The following SLC37A3 variants were observed in gnomAD, a reference collection of about 807,000 sequenced individuals.
SLC37A3 encodes the protein sugar phosphate exchanger 3.
In SLC37A3, 51 loss-of-function variants were observed where a neutral mutation model predicts 67.1. The observed-to-expected ratio is 0.76, with a 90% CI of 0.61 to 0.96. SLC37A3 has a LOEUF of 0.96. Among genes scored for constraint, SLC37A3 ranks in the 40% least tolerant of loss-of-function variants. The pLI is 0.00. For synonymous variants in SLC37A3, 214 were observed against 231.4 expected, an observed-to-expected ratio of 0.92 and a Z score of 0.68; for missense variants, 508 against 603.0, an observed-to-expected ratio of 0.84 and a Z score of 1.65.
At chr7:140,361,758 G>T (rs1482300789) in intron 5 of SLC37A3, among the ~76,000 whole-genome samples, 4 of 144,032 alleles carry the variant, frequency 2.8e-5, no homozygotes, top group Non-Finnish European at 4.5e-5. Context: ...TGCTGTGTCG[G>T]CCGGGCTGGT....
intron 4 of SLC37A3, among the ~76,000 whole-genome samples, chr7:140,369,144 C>T (rs186690438): frequency 3.9e-5 from 6 of 152,334 alleles, no homozygotes; most frequent in Admixed American, 1.3e-4. Context: ...GACTCGCTCA[C>T]CTGCTCAGGT....
At chr7:140,361,579 C>T (rs1346846992) in intron 5 of SLC37A3, among the ~76,000 whole-genome samples, 3 of 140,908 alleles carry the variant, frequency 2.1e-5, no homozygotes, top group Non-Finnish European at 1.6e-5. Flanking sequence ...TCTCCTTCCA[C>T]GGTCTCCCTC....
intron 9 of SLC37A3, among the ~76,000 whole-genome samples, chr7:140,349,961 G>C (rs1796727835): frequency 6.6e-6 from 1 of 152,062 alleles, no homozygotes; most frequent in Admixed American, 6.6e-5. Context: ...ATCATCACTG[G>C]GTTAAAGAAT....
intron 1 of SLC37A3, among the ~76,000 whole-genome samples, chr7:140,393,678 C>G (rs1300115443): frequency 6.6e-6 from 1 of 152,204 alleles, no homozygotes; most frequent in Non-Finnish European, 1.5e-5. Flanking sequence ...ATAACCCTAT[C>G]TAAAATGGTC....
At chr7:140,350,631 G>A (rs1278693051) in intron 9 of SLC37A3, among the ~76,000 whole-genome samples, 1 of 152,106 alleles carries the variant, frequency 6.6e-6, no homozygotes, top group African/African-American at 2.4e-5. Context: ...AAGCATGGTG[G>A]CATGCACCTG....
chr7:140,360,807 A>C (rs1563026185), intron 5 of SLC37A3, among the ~76,000 whole-genome samples: 1 of 151,994 alleles, frequency 6.6e-6, no homozygotes, highest in Admixed American at 6.6e-5. Flanking sequence ...CCTCACATAC[A>C]GAAACTCACA....
At chr7:140,376,267 G>A (rs955749346) in intron 3 of SLC37A3, among the ~76,000 whole-genome samples, 1 of 152,170 alleles carries the variant, frequency 6.6e-6, no homozygotes, top group African/African-American at 2.4e-5. Flanking sequence ...TCAGGAAACA[G>A]GGTAACAGAA....
At chr7:140,364,210 C>A (rs1797504557) in intron 5 of SLC37A3, among the ~76,000 whole-genome samples, 198 bp downstream of exon 5, 1 of 150,568 alleles carries the variant, frequency 6.6e-6, no homozygotes, top group South Asian at 2.1e-4. Flanking sequence ...GAGATCGCAC[C>A]ACTGCACTCC....
chr7:140,393,868 A>G lies in SLC37A3; in HGVS notation c.-71+4548T>C, dbSNP rs533974807. Among the ~76,000 whole-genome samples, 9 of 152,296 alleles carry G rather than the reference A, an allele frequency of 5.9e-5. No homozygotes were observed. In the South Asian group the frequency reaches 1.2e-3, roughly 21 times the overall value. ...CACAGGACCCAGCAGAGCACTGAGAACGATCAATAAAGATTTTTTGGGCCG... is the reference window on the plus strand; with the variant it reads ...CACAGGACCCAGCAGAGCACTGAGAGCGATCAATAAAGATTTTTTGGGCCG... On this transcript the variant is annotated intron_variant, in intron 1 of 14. Coordinates refer to ENST00000326232, the MANE Select transcript of SLC37A3 (RefSeq NM_207113.3).
At position 140,382,616 on chromosome 7, in the gene SLC37A3, T is replaced by TA; in HGVS notation, c.-70-21dup. The TA allele has an allele frequency of 9.2e-7, 1 of 1,083,976 alleles. No homozygotes were observed. Among genetic ancestry groups the TA allele is most frequent in the Admixed American group, 2.0e-5 (1 of 48,892 alleles). The allele number at this position is 1,083,976 out of a possible 1,614,324, so 67.1% of individuals were successfully genotyped here. ...TTCCTTCTGGAAAGACAAAACACATTATGGACATTATTAAACATAGGCAGA... is the reference window on the plus strand; with the variant it reads ...TTCCTTCTGGAAAGACAAAACACATTAATGGACATTATTAAACATAGGCAGA... On this transcript the variant is annotated intron_variant, in intron 1 of 14. Coordinates refer to ENST00000326232, the MANE Select transcript of SLC37A3 (RefSeq NM_207113.3).
chr7:140,373,828 G>A (rs986689334), intron 3 of SLC37A3, among the ~76,000 whole-genome samples: 2 of 151,528 alleles, frequency 1.3e-5, no homozygotes, highest in Non-Finnish European at 2.9e-5. Context: ...AATAAACTCC[G>A]CAACACACTG....
intron 5 of SLC37A3, 75 bp from the exon 6 acceptor site, chr7:140,358,860 G>C: frequency 6.4e-7 from 1 of 1,570,884 alleles, no homozygotes; most frequent in Non-Finnish European, 8.7e-7. Context: ...CTACCCACTT[G>C]CTTCAGAGTA....
intron 5 of SLC37A3, among the ~76,000 whole-genome samples, chr7:140,362,347 C>G (rs1344259365): frequency 3.5e-5 from 5 of 142,136 alleles, no homozygotes; most frequent in Non-Finnish European, 6.2e-5. Flanking sequence ...GGAGCCCCTC[C>G]GTCCGGCAGC....
At chr7:140,389,635 G>A (rs1798646772) in intron 1 of SLC37A3, among the ~76,000 whole-genome samples, 1 of 152,144 alleles carries the variant, frequency 6.6e-6, no homozygotes, top group South Asian at 2.1e-4. Flanking sequence ...GCTCTGTCTA[G>A]GCAGCAGGCA....
chr7:140,337,200 T>C (rs1199565425), intron 14 of SLC37A3, 84 bp downstream of exon 14: 2 of 1,060,708 alleles, frequency 1.9e-6, no homozygotes, highest in East Asian at 5.7e-5. Context: ...CAATCAACAG[T>C]TTTGCTGAAG....
rs765706832 is a variant in SLC37A3, at chr7:140,348,717, G to A, written c.933C>T (p.Phe311=). 1.3e-5 allele frequency: 21 copies of A among 1,613,954 alleles called. No homozygotes were observed. The highest frequency in any genetic ancestry group is 1.7e-5 in the Non-Finnish European group (20 of 1,180,016). Residue 311 remains phenylalanine, a synonymous_variant, in exon 10 of 15, where the codon TTC becomes TTT. Coordinates refer to ENST00000326232, the MANE Select transcript of SLC37A3 (RefSeq NM_207113.3). The part of the protein sequence containing the change: ...CLKLVNYSFF[F]WLPFYLSNNF... ...TGTTACTCAGATAAAAGGGGAGCCA[G>A]AAGAAGAAGGAGTAATTCACTAACT...
At position 140,364,469 on chromosome 7, in the gene SLC37A3, A is replaced by G; in HGVS notation, c.314T>C (p.Val105Ala). 1 of 1,614,006 alleles carries G rather than the reference A, an allele frequency of 6.2e-7. No homozygotes were observed. The highest frequency in any genetic ancestry group is 2.2e-5 in the East Asian group (1 of 44,866). ...YAVGLFISGI[V>A]GDRLNLRWVL... The stretch of plus-strand genomic sequence containing the variant: ...CCATCGCAAATTCAACCGATCCCCA[A>G]CGATGCCACTGATGAATAGGCCCTA... The change falls in exon 5 of 15, where the codon GTT (valine) becomes GCT (alanine). Residue 105 changes from valine to alanine, a missense_variant. By Grantham distance (64) the Val-to-Ala change is moderately conservative. Coordinates refer to ENST00000326232, the MANE Select transcript of SLC37A3 (RefSeq NM_207113.3).
rs1353237074 is a variant in SLC37A3 at position 140,337,271 on chromosome 7, G to C, written c.1392+13C>G. On this transcript the variant is annotated intron_variant, in intron 14 of 14. Coordinates refer to ENST00000326232, the MANE Select transcript of SLC37A3 (RefSeq NM_207113.3). ...AAAATGACTTTTTTTTTTTTAAAGG[G>C]GCACACACTTACCATGAGAATGAAA... 6.4e-7 allele frequency: 1 copy of C among 1,570,912 alleles called. No individual in the cohort carries two copies. The highest frequency in any genetic ancestry group is 8.6e-7 in the Non-Finnish European group (1 of 1,162,800).
chr7:140,386,861 G>A (rs1274916664), intron 1 of SLC37A3: 2 of 152,092 alleles, frequency 1.3e-5, no homozygotes, highest in Non-Finnish European at 2.9e-5. Context: ...TCCAAAGTCA[G>A]ACAAGGCAGG....
Sources: gnomAD v4.1 joint callset for allele counts (sites outside exome capture counted in the v4.1 genomes callset) on GRCh38, gnomAD v4.1.1 for gene constraint, MANE v1.5 for transcripts, NCBI Gene and HGNC (gene_info 2026-07-23, HGNC 2026-07-21) for gene names.